Variants in PGM1 observed in about 807,000 individuals in gnomAD.
PGM1 encodes the protein phosphoglucomutase-1.
Under a neutral mutation model 55.6 loss-of-function variants are expected in PGM1, and 52 were observed. The observed-to-expected ratio is 0.94, with a 90% CI of 0.75 to 1.18. The LOEUF (loss-of-function observed/expected upper bound fraction) is 1.18. Ranked by LOEUF, PGM1 falls within the 50% of genes most tolerant of loss-of-function variation. The pLI, the probability that PGM1 is intolerant of heterozygous loss-of-function variation, is 0.00. For synonymous variants in PGM1, 287 were observed against 271.7 expected, an observed-to-expected ratio of 1.06 and a Z score of -0.55; for missense variants, 724 against 729.3, an observed-to-expected ratio of 0.99 and a Z score of 0.08.
At chr1:63,601,888 G>A (rs996671660) in intron 1 of PGM1, among the ~76,000 whole-genome samples, 6 of 152,184 alleles carry the variant, frequency 3.9e-5, no homozygotes, top group Admixed American at 3.9e-4. Context: ...TTAACACAGT[G>A]GGGAATGCTA....
chr1:63,650,300 G>C (rs115438658), intron 8 of PGM1, among the ~76,000 whole-genome samples: 2,140 of 152,262 alleles, frequency 0.014, 52 homozygotes, highest in African/African-American at 0.049. Flanking sequence ...ACAATTAATA[G>C]CCAATAGAGG....
chr1:63,644,162 GC>G (rs1435876491), intron 7 of PGM1, among the ~76,000 whole-genome samples: 2 of 152,336 alleles, frequency 1.3e-5, no homozygotes, highest in Middle Eastern at 3.4e-3. Context: ...CCCAGGATGT[GC>G]CCTGGCTGAG....
intron 1 of PGM1, chr1:63,593,949 C>A (rs982963388): frequency 8.3e-7 from 1 of 1,211,452 alleles, no homozygotes; most frequent in Non-Finnish European, 1.0e-6. Context: ...CCCGGCAGAC[C>A]TGCTCGCCTG....
At position 63,648,531 on chromosome 1, in the gene PGM1, C is replaced by G; in HGVS notation, c.1159C>G (p.Arg387Gly). 6.2e-7 allele frequency: 1 copy of G among 1,614,050 alleles called. No individual in the cohort carries two copies. The highest frequency in any genetic ancestry group is 8.5e-7 in the Non-Finnish European group (1 of 1,179,982). The part of the protein sequence containing the change: ...ESFGTGSDHI[R>G]EKDGLWAVLA... ...CCCCCCTCCAGGTTCTGACCACATC[C>G]GTGAGAAAGATGGACTGTGGGCTGT... The change falls in exon 8 of 11, where the codon CGT becomes GGT. Residue 387 changes from arginine (R) to glycine (G), a missense_variant. Arg to Gly is a moderately radical substitution (Grantham distance 125, BLOSUM62 -2). This residue lies in a region of PGM1 where 316 missense variants were observed against 313.1 expected (regional missense o/e 1.01). Coordinates refer to ENST00000371084, the MANE Select transcript of PGM1 (RefSeq NM_002633.3).
intron 7 of PGM1, among the ~76,000 whole-genome samples, chr1:63,642,121 C>T (rs559216112): frequency 6.6e-6 from 1 of 152,128 alleles, no homozygotes; most frequent in Admixed American, 6.5e-5. Flanking sequence ...AGGGTCTTTG[C>T]GGGAAGAAAT....
chr1:63,655,030 A>G (rs920788687), intron 10 of PGM1, among the ~76,000 whole-genome samples: 5 of 147,470 alleles, frequency 3.4e-5, no homozygotes, highest in Non-Finnish European at 5.9e-5. Context: ...GTGCAATGGC[A>G]CAATCTCAGC....
chr1:63,652,538 C>T (rs562353142), intron 9 of PGM1, among the ~76,000 whole-genome samples: 4 of 149,240 alleles, frequency 2.7e-5, no homozygotes, highest in Middle Eastern at 6.8e-3. Flanking sequence ...TGAACACTTA[C>T]GCACCAGGGT....
intron 1 of PGM1, among the ~76,000 whole-genome samples, chr1:63,608,049 GAGTT>G (rs1648471002): frequency 6.6e-6 from 1 of 152,212 alleles, no homozygotes; most frequent in Admixed American, 6.5e-5. Context: ...CCCACTAAAA[GAGTT>G]AGAGAGGTGT....
rs111246749 is a variant in PGM1, at chr1:63,593,506, A to G, written c.18A>G (p.Thr6=). 3.6e-4 allele frequency: 581 copies of G among 1,613,796 alleles called. 5 individuals are homozygous for G. The African/African-American group carries it at 6.7e-3, about 19-fold the overall frequency. Residue 6 remains threonine (T), a synonymous_variant, in exon 1 of 11, where the codon ACA becomes ACG. Coordinates refer to ENST00000371084, the MANE Select transcript of PGM1 (RefSeq NM_002633.3). MVKIV[T]VKTQAYQDQK... ...TCGCCACCATGGTGAAGATCGTGAC[A>G]GTTAAGACCCAGGCGTACCAGGACC...
intron 1 of PGM1, among the ~76,000 whole-genome samples, chr1:63,612,719 A>G (rs1648603176): frequency 6.6e-6 from 1 of 152,096 alleles, no homozygotes; most frequent in Admixed American, 6.5e-5. Flanking sequence ...TTCCTTCACT[A>G]TTGCAGTTTC....
chr1:63,618,458 G>A (rs1427073634), intron 1 of PGM1, among the ~76,000 whole-genome samples: 1 of 151,978 alleles, frequency 6.6e-6, no homozygotes, highest in Admixed American at 6.6e-5. Flanking sequence ...GGAACCACAA[G>A]GCTAATCTTT....
chr1:63,617,675 C>T (rs1433774668), intron 1 of PGM1, among the ~76,000 whole-genome samples: 1 of 129,648 alleles, frequency 7.7e-6, no homozygotes, highest in Non-Finnish European at 1.5e-5. Context: ...GCAGAGGTTG[C>T]AGAGATTGCA....
intron 5 of PGM1, among the ~76,000 whole-genome samples, chr1:63,635,377 G>T (rs1649336321): frequency 6.6e-6 from 1 of 152,182 alleles, no homozygotes; most frequent in East Asian, 1.9e-4. Context: ...CTCTGGACAA[G>T]ATTTTGGTCT....
intron 9 of PGM1, among the ~76,000 whole-genome samples, chr1:63,652,942 A>G (rs1167512057): frequency 1.3e-5 from 2 of 152,228 alleles, no homozygotes; most frequent in Non-Finnish European, 1.5e-5. Context: ...CCTGTGGTTG[A>G]GGAAGAAAGG....
At chr1:63,632,001 A>G (rs1284007650) in intron 4 of PGM1, among the ~76,000 whole-genome samples, 1 of 152,234 alleles carries the variant, frequency 6.6e-6, no homozygotes, top group Admixed American at 6.5e-5. Context: ...TGTGAAGGTC[A>G]GTGTTTCCAC....
At chr1:63,643,163 C>T (rs1649561520) in intron 7 of PGM1, among the ~76,000 whole-genome samples, 1 of 152,196 alleles carries the variant, frequency 6.6e-6, no homozygotes, top group Non-Finnish European at 1.5e-5. Flanking sequence ...TGTAGCACCC[C>T]ATGTCTGGGG....
intron 1 of PGM1, among the ~76,000 whole-genome samples, chr1:63,610,012 G>A (rs1648525534): frequency 6.6e-6 from 1 of 152,118 alleles, no homozygotes; most frequent in African/African-American, 2.4e-5. Context: ...TCATAGTAGT[G>A]GGTTGGAAGT....
chr1:63,637,826 A>G (rs949550417), intron 6 of PGM1, among the ~76,000 whole-genome samples: 2 of 152,250 alleles, frequency 1.3e-5, no homozygotes, highest in African/African-American at 4.8e-5. Flanking sequence ...CTCATTACCC[A>G]GATAAAAGTT....
At chr1:63,615,550 CTTT>C (rs1161161385) in intron 1 of PGM1, among the ~76,000 whole-genome samples, 216 of 62,932 alleles carry the variant, frequency 3.4e-3, no homozygotes, top group Non-Finnish European at 4.7e-3. Context: ...TCTTCTTCTT[CTTT>C]TTTTTTTTTT....
Sources: allele counts gnomAD v4.1 joint callset (sites outside exome capture counted in the v4.1 genomes callset), GRCh38; gene constraint gnomAD v4.1.1; regional missense constraint gnomAD v4.1.1; transcripts MANE v1.5; gene names NCBI Gene and HGNC (gene_info 2026-07-23, HGNC 2026-07-21).